SPG7: variants seen among roughly 807,000 people sequenced by gnomAD.
The protein encoded by SPG7 is mitochondrial inner membrane m-AAA protease component paraplegin.
Under a neutral mutation model 81.9 loss-of-function variants are expected in SPG7, and 103 were observed. The ratio of observed to expected loss-of-function variants is 1.26; its 90% CI spans 1.07 to 1.48. The LOEUF is 1.48. Among genes scored for constraint, SPG7 ranks in the 40% most tolerant of loss-of-function variants. The pLI is 0.00. For missense variants in SPG7, 1,241 were observed against 1,087.3 expected (o/e 1.14, Z -1.99); for synonymous variants, 534 against 444.2 (o/e 1.20, Z -2.54).
At chr16:89,541,172 GGTGT>G (rs2058491592) in intron 9 of SPG7, 2 of 668,848 alleles carry the variant, frequency 3.0e-6, no homozygotes, top group African/African-American at 4.0e-5. Context: ...AGCTGAAACT[GGTGT>G]ATCCTTATCA....
At chr16:89,535,570 G>A (rs1188619067) in intron 9 of SPG7, among the ~76,000 whole-genome samples, 3 of 152,196 alleles carry the variant, frequency 2.0e-5, no homozygotes, top group Non-Finnish European at 4.4e-5. Flanking sequence ...ACAGCAAGTG[G>A]TCATGGGAGT....
intron 5 of SPG7, chr16:89,527,376 T>C (rs1434975835): frequency 1.3e-5 from 2 of 152,210 alleles, no homozygotes; most frequent in Admixed American, 6.5e-5. Context: ...TCAGAGTGAG[T>C]GTGCAGATGC....
chr16:89,556,709 G>A (rs1206247733), intron 16 of SPG7, 178 bp from the exon 17 acceptor site: 6 of 652,274 alleles, frequency 9.2e-6, no homozygotes, highest in Non-Finnish European at 1.7e-5. Context: ...TTATGAGGTT[G>A]AGATGGGGGT....
chr16:89,532,570 A>T lies in SPG7; in HGVS notation c.1258A>T (p.Thr420Ser). The change falls in exon 9 of 17, where the codon ACC (threonine) becomes TCC (serine). Residue 420 changes from threonine to serine, a missense_variant. Physicochemically the swap from Thr to Ser is moderately conservative, Grantham distance 58. Coordinates refer to ENST00000645818, the MANE Select transcript of SPG7 (RefSeq NM_003119.4). Reference protein sequence around the residue: ...IDAVGKKRSTTMSGFSNTEEE... With the variant: ...IDAVGKKRSTSMSGFSNTEEE... The stretch of plus-strand genomic sequence containing the variant: ...CGCGGTGGGCAAGAAGCGCTCCACC[A>T]CCATGTCCGGCTTCTCCAACACGGA... 1 of 1,613,774 alleles carries T rather than the reference A, an allele frequency of 6.2e-7. No individual in the cohort carries two copies. Among genetic ancestry groups the T allele is most frequent in the Non-Finnish European group, 8.5e-7 (1 of 1,180,026 alleles).
In SPG7 at chr16:89,510,522, T is replaced by A; in HGVS notation, c.216T>A (p.Phe72Leu). 2 of 1,612,616 alleles carry A rather than the reference T, an allele frequency of 1.2e-6. No homozygotes were observed. The highest frequency in any genetic ancestry group is 1.7e-6 in the Non-Finnish European group (2 of 1,179,138). Residue 72 changes from phenylalanine (F) to leucine (L), a missense_variant, in exon 2 of 17, where the codon TTT becomes TTA. By Grantham distance (22) the Phe-to-Leu change is conservative (BLOSUM62 0). Coordinates refer to ENST00000645818, the MANE Select transcript of SPG7 (RefSeq NM_003119.4). Reference sequence around the variant, plus strand: ...AATTGAGACTGCTAACCCCTACCTTTGAAGGGATCAACGGATTGTTGTTGA... The same window carrying A: ...AATTGAGACTGCTAACCCCTACCTTAGAAGGGATCAACGGATTGTTGTTGA... ...SLQLRLLTPTFEGINGLLLKQ... is the reference protein window; with the variant it reads ...SLQLRLLTPTLEGINGLLLKQ...
At chr16:89,543,335 G>A (rs956158645) in intron 9 of SPG7, 6 of 134,598 alleles carry the variant, frequency 4.5e-5, no homozygotes, top group Non-Finnish European at 8.0e-5. Context: ...ACTGTTTATT[G>A]TGGACCTTTT....
chr16:89,531,305 CTG>C, intron 7 of SPG7: 1 of 247,396 alleles, frequency 4.0e-6, no homozygotes, highest in South Asian at 5.3e-5. Context: ...AGGGGAGTGA[CTG>C]AGCCCAGGAG....
intron 4 of SPG7, 22 bp from the exon 5 acceptor site, chr16:89,526,307 C>A: frequency 1.2e-6 from 2 of 1,613,670 alleles, no homozygotes. Flanking sequence ...TCTCATGGTC[C>A]CCTCTCCTTT....
At chr16:89,513,684 G>A (rs951505892) in intron 3 of SPG7, among the ~76,000 whole-genome samples, 1 of 152,142 alleles carries the variant, frequency 6.6e-6, no homozygotes, top group Admixed American at 6.6e-5. Context: ...ACAGCCCCAG[G>A]GGGCAGAAGG....
At position 89,557,027 on chromosome 16, in the gene SPG7, CGAG is replaced by C. The variant is rs2058694305; in HGVS notation, c.2329_2331del (p.Glu777del). Reference sequence around the variant, plus strand: ...CCCAGAGGGAGAAACAGGACTTGGGCGAGGAGGAGACCGAAGAGACCCAGCAGC... The same window carrying C: ...CCCAGAGGGAGAAACAGGACTTGGGCGAGGAGACCGAAGAGACCCAGCAGC... On this transcript the variant is annotated inframe_deletion, in exon 17 of 17. Coordinates refer to ENST00000645818, the MANE Select transcript of SPG7 (RefSeq NM_003119.4). 3 of 1,613,084 alleles carry C rather than the reference CGAG, an allele frequency of 1.9e-6. No homozygotes were observed. The highest frequency in any genetic ancestry group is 1.8e-4 in the Middle Eastern group (1 of 5,620).
intron 3 of SPG7, among the ~76,000 whole-genome samples, chr16:89,513,926 T>C (rs1464254241): frequency 6.6e-6 from 1 of 152,184 alleles, no homozygotes; most frequent in African/African-American, 2.4e-5. Context: ...AGGGGATTAT[T>C]ATTGTGAATT....
chr16:89,508,602 T>G lies in SPG7; in HGVS notation c.183+2T>G. On this transcript the variant is annotated splice_donor_variant, in intron 1 of 16. Coordinates refer to ENST00000645818, the MANE Select transcript of SPG7 (RefSeq NM_003119.4). LOFTEE classifies it high-confidence loss of function. ...GAGGCTGGAGGCCGAGCTCTGCAGG[T>G]AAATCCCCGCGGAGTCCGGGCCCCA... 6.8e-7 allele frequency: 1 copy of G among 1,463,342 alleles called. No individual in the cohort carries two copies. The highest frequency in any genetic ancestry group is 1.5e-5 in the African/African-American group (1 of 67,512). 90.6% of individuals were successfully genotyped at this position (1,463,342 alleles called of 1,614,324 possible).
intron 3 of SPG7, chr16:89,520,148 G>T (rs566741096): frequency 6.6e-6 from 1 of 152,436 alleles, no homozygotes; most frequent in African/African-American, 2.4e-5. Flanking sequence ...CTGGCGGCTC[G>T]TCTCAGCATC....
intron 3 of SPG7, chr16:89,523,607 G>A (rs2058220060): frequency 3.0e-5 from 13 of 437,758 alleles, no homozygotes; most frequent in South Asian, 2.1e-4. Context: ...TCTGAGACAG[G>A]GTCGTTCTCT....
At chr16:89,537,127 C>T (rs1465203709) in intron 9 of SPG7, 13 of 1,474,830 alleles carry the variant, frequency 8.8e-6, no homozygotes, top group Middle Eastern at 2.4e-4. Context: ...TCAGCCCTGC[C>T]GAGGTCCCAG....
chr16:89,524,402 G>T (rs1171681244), intron 4 of SPG7, among the ~76,000 whole-genome samples, 155 bp downstream of exon 4: 1 of 152,132 alleles, frequency 6.6e-6, no homozygotes, highest in Non-Finnish European at 1.5e-5. Flanking sequence ...TCTTTCTCAT[G>T]CAGGGACCTC....
Position 89,553,151 on chromosome 16 carries a change from G to C in SPG7, c.1936+16G>C. 6.3e-7 allele frequency: 1 copy of C among 1,585,432 alleles called. No homozygotes were observed. The highest frequency in any genetic ancestry group is 8.6e-7 in the Non-Finnish European group (1 of 1,165,886). ...GTCACTTCTGGTGAGGAGCAGCGGC[G>C]CGGGCCCTGGAGGTTTCAGAGCGCT... On this transcript the variant is annotated intron_variant, in intron 14 of 16. Transcript: ENST00000645818.
chr16:89,532,742 C>A, intron 9 of SPG7, 106 bp downstream of exon 9: 1 of 1,376,180 alleles, frequency 7.3e-7, no homozygotes, highest in Non-Finnish European at 1.0e-6. Context: ...TGCACTCCGG[C>A]CTGGGTGACA....
At chr16:89,523,376 A>C (rs957326478) in intron 3 of SPG7, 1 of 300,900 alleles carries the variant, frequency 3.3e-6, no homozygotes. Flanking sequence ...AGAAGGCACA[A>C]GGGTCTTCAG....
Sources: allele counts gnomAD v4.1 joint callset (sites outside exome capture counted in the v4.1 genomes callset), GRCh38; gene constraint gnomAD v4.1.1; transcripts MANE v1.5; gene names NCBI Gene and HGNC (gene_info 2026-07-23, HGNC 2026-07-21).